Variants in LRBA observed in about 807,000 individuals in gnomAD.
The protein encoded by LRBA is lipopolysaccharide-responsive and beige-like anchor protein.
A neutral mutation model predicts 330.0 loss-of-function variants in LRBA; 176 were observed. The observed-to-expected ratio is 0.53, with a 90% CI of 0.47 to 0.60. The LOEUF (loss-of-function observed/expected upper bound fraction) is 0.60. Ranked by LOEUF, LRBA falls within the 20% of genes least tolerant of loss-of-function variation. The pLI is 0.00. For missense variants in LRBA, 3,259 were observed against 3,444.8 expected, an observed-to-expected ratio of 0.95 and a Z score of 1.35; for synonymous variants, 1,230 against 1,193.0, an observed-to-expected ratio of 1.03 and a Z score of -0.64.
chr4:150,315,320 A>G (rs952152326), intron 51 of LRBA: 1 of 576,892 alleles, frequency 1.7e-6, no homozygotes, highest in Non-Finnish European at 3.1e-6. Flanking sequence ...ACATTATTAC[A>G]GCATCCATAT....
At chr4:150,680,154 A>T (rs934450480) in intron 37 of LRBA, among the ~76,000 whole-genome samples, 10 of 152,124 alleles carry the variant, frequency 6.6e-5, no homozygotes, top group African/African-American at 2.2e-4. Context: ...TATTCTTATC[A>T]AGCTCTCTCA....
At chr4:150,388,223 C>A (rs1035175404) in intron 47 of LRBA, among the ~76,000 whole-genome samples, 15 of 152,336 alleles carry the variant, frequency 9.8e-5, no homozygotes, top group African/African-American at 3.6e-4. Flanking sequence ...TCCGCCCTTA[C>A]GACCTCATTT....
intron 56 of LRBA, among the ~76,000 whole-genome samples, chr4:150,268,861 C>T (rs753829913): frequency 2.2e-4 from 33 of 152,182 alleles, no homozygotes; most frequent in Admixed American, 3.3e-4. Flanking sequence ...TTTAATCACT[C>T]TTATCCAACA....
intron 2 of LRBA, among the ~76,000 whole-genome samples, chr4:150,931,600 CA>C (rs367728964): frequency 2.7e-3 from 266 of 98,508 alleles, no homozygotes; most frequent in Middle Eastern, 6.3e-3. Context: ...TCTCCATATT[CA>C]AAAAAAAAAA....
intron 46 of LRBA, among the ~76,000 whole-genome samples, chr4:150,415,978 C>A (rs973744625): frequency 3.3e-5 from 5 of 152,086 alleles, no homozygotes; most frequent in Non-Finnish European, 7.4e-5. Context: ...CAGAAAAACC[C>A]AAAATCTTTC....
chr4:150,417,011 T>C (rs1233265099), intron 46 of LRBA, among the ~76,000 whole-genome samples: 2 of 152,026 alleles, frequency 1.3e-5, no homozygotes, highest in Non-Finnish European at 2.9e-5. Flanking sequence ...GGACCAGGAC[T>C]TGTTTAACTG....
At chr4:150,974,963 C>T (rs2149592575) in intron 2 of LRBA, among the ~76,000 whole-genome samples, 1 of 152,228 alleles carries the variant, frequency 6.6e-6, no homozygotes, top group Admixed American at 6.5e-5. Context: ...TGGTCTGACC[C>T]TAATAAAGGT....
At chr4:150,932,326 TAAAAG>T (rs1376234874) in intron 2 of LRBA, among the ~76,000 whole-genome samples, 1 of 148,962 alleles carries the variant, frequency 6.7e-6, no homozygotes, top group Admixed American at 6.7e-5. Context: ...AAAAAATTTT[TAAAAG>T]AAAATATATC....
At chr4:150,903,984 A>ACAAGACCATGGTAGACAAGGTACC (rs1731040610) in intron 13 of LRBA, among the ~76,000 whole-genome samples, 1 of 152,178 alleles carries the variant, frequency 6.6e-6, no homozygotes, top group East Asian at 1.9e-4. Flanking sequence ...TTGTTGAGTA[A>ACAAGACCATGGTAGACAAGGTACC]ATGAAGGACC....
intron 40 of LRBA, among the ~76,000 whole-genome samples, chr4:150,505,400 C>G (rs1760917359): frequency 6.6e-6 from 1 of 152,198 alleles, no homozygotes; most frequent in African/African-American, 2.4e-5. Context: ...ACAGTGCAAT[C>G]AAACTAGAAC....
chr4:150,522,859 C>T (rs985973773), intron 40 of LRBA, among the ~76,000 whole-genome samples: 11 of 152,232 alleles, frequency 7.2e-5, no homozygotes, highest in African/African-American at 2.4e-4. Context: ...CAGAAAACTG[C>T]TACAGAAGTG....
chr4:150,404,199 A>C (rs1745873384), intron 47 of LRBA, among the ~76,000 whole-genome samples: 3 of 152,204 alleles, frequency 2.0e-5, no homozygotes, highest in Admixed American at 2.0e-4. Context: ...AGTTATGGAC[A>C]TGACTGAATC....
At chr4:150,368,006 G>T (rs567859990) in intron 47 of LRBA, among the ~76,000 whole-genome samples, 1 of 152,186 alleles carries the variant, frequency 6.6e-6, no homozygotes, top group Non-Finnish European at 1.5e-5. Flanking sequence ...GTATATTACT[G>T]TATTTTTAAA....
chr4:150,507,812 T>A (rs535303676), intron 40 of LRBA, among the ~76,000 whole-genome samples: 2 of 151,422 alleles, frequency 1.3e-5, no homozygotes, highest in African/African-American at 4.8e-5. Context: ...TGGGAGAAAA[T>A]TTTTGCAACC....
chr4:150,970,560 C>CGTGTGTGTGTGTGT (rs1561074259), intron 2 of LRBA: 3 of 21,796 alleles, frequency 1.4e-4, no homozygotes, highest in African/African-American at 2.3e-4. Context: ...TGTGTGTACA[C>CGTGTGTGTGTGTGT]ACACACACAC....
At chr4:150,629,542 G>C (rs1167542991) in intron 37 of LRBA, among the ~76,000 whole-genome samples, 2 of 152,154 alleles carry the variant, frequency 1.3e-5, no homozygotes, top group Non-Finnish European at 2.9e-5. Flanking sequence ...GGGAGGCTGA[G>C]GCAGGAAGAT....
intron 47 of LRBA, among the ~76,000 whole-genome samples, chr4:150,357,651 CTT>C (rs142531975): frequency 1.5e-3 from 211 of 138,306 alleles, no homozygotes; most frequent in East Asian, 3.3e-3. Context: ...GGATATTGAG[CTT>C]TTTTTTTTTT....
chr4:150,563,052 C>G (rs780983210), intron 40 of LRBA, among the ~76,000 whole-genome samples: 3 of 152,130 alleles, frequency 2.0e-5, no homozygotes, highest in African/African-American at 7.2e-5. Context: ...CCAACTCAGC[C>G]TCTAAAAGTG....
chr4:150,292,376 GA>G (rs1398731761), intron 53 of LRBA, among the ~76,000 whole-genome samples: 2 of 152,168 alleles, frequency 1.3e-5, no homozygotes, highest in African/African-American at 4.8e-5. Context: ...TTACTCTTAT[GA>G]AAATCAGATC....
Sources: gnomAD v4.1 joint callset for allele counts (sites outside exome capture counted in the v4.1 genomes callset) on GRCh38, gnomAD v4.1.1 for gene constraint, MANE v1.5 for transcripts, NCBI Gene and HGNC (gene_info 2026-07-23, HGNC 2026-07-21) for gene names.